Variants in NT5DC3 observed in about 807,000 individuals in gnomAD.
NT5DC3 encodes 5'-nucleotidase domain-containing protein 3.
Under a neutral mutation model 67.8 loss-of-function variants are expected in NT5DC3, and 42 were observed. The ratio of observed to expected loss-of-function variants is 0.62; its 90% CI spans 0.48 to 0.80. The LOEUF (loss-of-function observed/expected upper bound fraction) is 0.80. Ranked by LOEUF, NT5DC3 falls within the 30% of genes least tolerant of loss-of-function variation. NT5DC3 has a pLI of 0.00. For synonymous variants in NT5DC3, 237 were observed against 255.6 expected (o/e 0.93, Z 0.69); for missense variants, 570 against 696.4 (o/e 0.82, Z 2.04).
At position 103,785,504 on chromosome 12, in the gene NT5DC3, G is replaced by A. The variant is rs534805805; in HGVS notation, c.1189-29C>T. On this transcript the variant is annotated intron_variant, in intron 11 of 13. Transcript: ENST00000392876. The stretch of plus-strand genomic sequence containing the variant: ...ATCACAAAGATCACGAAAAGTCAAC[G>A]TCAGTCTCAACAGAATCTAAACTAT... The A allele has an allele frequency of 1.1e-4, 185 of 1,611,378 alleles. 1 individual carries two copies. Among genetic ancestry groups the A allele is most frequent in the Admixed American group, 7.7e-4 (46 of 59,982 alleles).
chr12:103,770,984 C>T (rs1566093215), downstream of NT5DC3: 1 of 152,354 alleles, frequency 6.6e-6, no homozygotes, highest in Non-Finnish European at 1.5e-5. Flanking sequence ...GGAAACAGGC[C>T]TCACCAGACA....
chr12:103,798,517 G>T, intron 5 of NT5DC3, 70 bp downstream of exon 5: 2 of 1,025,620 alleles, frequency 2.0e-6, no homozygotes, highest in Non-Finnish European at 3.1e-6. Context: ...TAAGCAGTAG[G>T]TAAGTTCGAC....
intron 13 of NT5DC3, among the ~76,000 whole-genome samples, chr12:103,778,797 C>T (rs970924083): frequency 6.6e-6 from 1 of 151,830 alleles, no homozygotes; most frequent in Admixed American, 6.5e-5. Flanking sequence ...CAGAATGAGA[C>T]CCTATCTCAA....
chr12:103,769,802 A>C (rs1885141645), downstream of NT5DC3, among the ~76,000 whole-genome samples: 1 of 152,388 alleles, frequency 6.6e-6, no homozygotes, highest in South Asian at 2.1e-4. Context: ...TTACAAAGAA[A>C]TTCTGAAACA....
At chr12:103,749,218 T>C in the NT5DC3 span, 1 of 1,498,552 alleles carries the variant, frequency 6.7e-7, no homozygotes, top group Non-Finnish European at 9.0e-7. Flanking sequence ...CCTCCTTGCC[T>C]TTCCACCTCC....
At chr12:103,755,823 A>T in the NT5DC3 span, 1 of 1,073,570 alleles carries the variant, frequency 9.3e-7, no homozygotes, top group Non-Finnish European at 1.4e-6. Context: ...CACAGTTAAG[A>T]GCATGGGTGC....
chr12:103,767,344 T>A (rs1478940844), downstream of NT5DC3, among the ~76,000 whole-genome samples: 1 of 152,328 alleles, frequency 6.6e-6, no homozygotes, highest in East Asian at 1.9e-4. Context: ...TCCATTTATA[T>A]GAAATGGCTA....
intron 6 of NT5DC3, among the ~76,000 whole-genome samples, chr12:103,794,745 A>G (rs11111783): frequency 0.37 from 56,058 of 152,148 alleles, 11,426 homozygotes; most frequent in East Asian, 0.88. Context: ...ATAGCTTACA[A>G]GTTCCTCCTT....
intron 1 of NT5DC3, among the ~76,000 whole-genome samples, chr12:103,832,193 AGGTT>A (rs1166016517): frequency 6.6e-6 from 1 of 152,052 alleles, no homozygotes; most frequent in Non-Finnish European, 1.5e-5. Context: ...CTATACAAAA[AGGTT>A]TTTAGACGAT....
intron 1 of NT5DC3, among the ~76,000 whole-genome samples, chr12:103,826,881 A>G (rs1447663248): frequency 3.9e-5 from 6 of 152,218 alleles, no homozygotes. Context: ...ATTTTGGATA[A>G]TAGTCATTTT....
intron 12 of NT5DC3, among the ~76,000 whole-genome samples, 158 bp from the exon 13 acceptor site, chr12:103,780,522 C>CA (rs1885507020): frequency 6.6e-6 from 1 of 152,166 alleles, no homozygotes; most frequent in African/African-American, 2.4e-5. Context: ...TCAGACCTTC[C>CA]AGTTGAAACC....
intron 11 of NT5DC3, among the ~76,000 whole-genome samples, chr12:103,786,421 A>C (rs1885776250): frequency 6.6e-6 from 1 of 152,196 alleles, no homozygotes; most frequent in South Asian, 2.1e-4. Flanking sequence ...GCAACAAGTC[A>C]GGGAACCTAG....
chr12:103,822,535 A>C (rs569924219), intron 1 of NT5DC3, among the ~76,000 whole-genome samples: 1 of 152,370 alleles, frequency 6.6e-6, no homozygotes. Context: ...TTTCTATAAT[A>C]AGCATGTGTT....
At chr12:103,765,035 A>C in the NT5DC3 span, among the ~76,000 whole-genome samples, 4 of 141,160 alleles carry the variant, frequency 2.8e-5, no homozygotes, top group South Asian at 2.4e-4. Context: ...TGCAGTGAGC[A>C]GAGATTGCAC....
At chr12:103,833,604 C>G (rs1223109176) in intron 1 of NT5DC3, among the ~76,000 whole-genome samples, 4 of 151,720 alleles carry the variant, frequency 2.6e-5, no homozygotes, top group Non-Finnish European at 5.9e-5. Context: ...CTTTCAACAC[C>G]CTATAAAAGC....
intron 9 of NT5DC3, among the ~76,000 whole-genome samples, chr12:103,790,019 T>C (rs963465568): frequency 2.0e-5 from 3 of 152,224 alleles, no homozygotes; most frequent in African/African-American, 7.2e-5. Context: ...TTCTCTAATA[T>C]TGCGAGCAAT....
chr12:103,840,868 C>T, intron 1 of NT5DC3, 81 bp downstream of exon 1: 1 of 769,386 alleles, frequency 1.3e-6, no homozygotes, highest in Non-Finnish European at 1.8e-6. Flanking sequence ...CTGGGCTGGT[C>T]CGGGTCCTAG....
Position 103,817,363 on chromosome 12 carries a change from G to GT in NT5DC3, c.209-2243dup, listed in dbSNP as rs138564488. Among the ~76,000 whole-genome samples the GT allele has an allele frequency of 1.3e-3, 192 of 151,324 alleles. 3 individuals are homozygous for GT. The East Asian group carries it at 0.024, about 19-fold the overall frequency. ...TATTTTGCTAAAATTATATATGACA[G>GT]TTTTTTTTTCACCTTTTATGATGTT... On this transcript the variant is annotated intron_variant, in intron 1 of 13. Coordinates refer to ENST00000392876, the MANE Select transcript of NT5DC3 (RefSeq NM_001031701.3).
chr12:103,752,020 T>C, the NT5DC3 span, among the ~76,000 whole-genome samples: 2 of 152,114 alleles, frequency 1.3e-5, no homozygotes, highest in Admixed American at 1.3e-4. Flanking sequence ...GCCTTCATGA[T>C]TTGCAGCCGA....
Sources: gnomAD v4.1 joint callset for allele counts (sites outside exome capture counted in the v4.1 genomes callset) on GRCh38, gnomAD v4.1.1 for gene constraint, MANE v1.5 for transcripts, NCBI Gene and HGNC (gene_info 2026-07-23, HGNC 2026-07-21) for gene names.